Variants in PCDH15 observed in about 807,000 individuals in gnomAD.
PCDH15 encodes the protein protocadherin related 15.
PCDH15 carries 129 observed loss-of-function variants against 178.5 expected under a neutral mutation model. The ratio of observed to expected loss-of-function variants is 0.72; its 90% confidence interval spans 0.63 to 0.84. The LOEUF is 0.84. PCDH15 is among the 40% of genes least tolerant of loss of function. The pLI, the probability that PCDH15 is intolerant of heterozygous loss-of-function variation, is 0.00. For missense variants in PCDH15, 2,230 were observed against 2,099.9 expected, an observed-to-expected ratio of 1.06 and a Z score of -1.21; for synonymous variants, 800 against 732.0, an observed-to-expected ratio of 1.09 and a Z score of -1.50.
intron 2 of PCDH15, among the ~76,000 whole-genome samples, chr10:54,585,318 A>G (rs140990319): frequency 6.6e-6 from 1 of 152,262 alleles, no homozygotes; most frequent in East Asian, 1.9e-4. Flanking sequence ...CCGTTTCCCA[A>G]CTAAGAGGTA....
intron 21 of PCDH15, among the ~76,000 whole-genome samples, chr10:53,979,881 G>A (rs1161289100): frequency 1.3e-5 from 2 of 152,138 alleles, no homozygotes; most frequent in African/African-American, 2.4e-5. Context: ...TATAGTAATT[G>A]TGTTATATGT....
intron 15 of PCDH15, among the ~76,000 whole-genome samples, chr10:54,131,005 T>C (rs2042392125): frequency 6.6e-6 from 1 of 152,210 alleles, no homozygotes; most frequent in African/African-American, 2.4e-5. Flanking sequence ...GCCACTACAG[T>C]TGGCATCCTT....
intron 1 of PCDH15, among the ~76,000 whole-genome samples, chr10:54,711,958 A>T (rs1182726650): frequency 2.6e-5 from 4 of 152,018 alleles, no homozygotes; most frequent in African/African-American, 9.6e-5. Flanking sequence ...TGAGATTTGT[A>T]TAATGTTTAA....
intron 2 of PCDH15, among the ~76,000 whole-genome samples, chr10:55,111,445 T>C (rs550016696): frequency 3.9e-5 from 6 of 152,204 alleles, no homozygotes; most frequent in Non-Finnish European, 8.8e-5. Context: ...AGGCTAATAA[T>C]TAATTGGTAC....
At chr10:54,987,272 G>C (rs958646000) in intron 2 of PCDH15, among the ~76,000 whole-genome samples, 2 of 152,078 alleles carry the variant, frequency 1.3e-5, no homozygotes, top group African/African-American at 4.8e-5. Context: ...TCATTGATGG[G>C]CATTTGGGTT....
At chr10:54,423,867 G>A (rs917277657) in intron 3 of PCDH15, among the ~76,000 whole-genome samples, 1 of 151,810 alleles carries the variant, frequency 6.6e-6, no homozygotes, top group Non-Finnish European at 1.5e-5. Context: ...ATTAATTCAA[G>A]ATGGATTAAA....
chr10:54,716,625 T>C (rs2095482775), intron 1 of PCDH15, among the ~76,000 whole-genome samples: 1 of 152,124 alleles, frequency 6.6e-6, no homozygotes, highest in Admixed American at 6.6e-5. Flanking sequence ...CCTGAGACTT[T>C]GCTGAAGTTG....
chr10:53,925,477 G>A (rs148474087), intron 25 of PCDH15, among the ~76,000 whole-genome samples: 1,866 of 152,294 alleles, frequency 0.012, 41 homozygotes, highest in African/African-American at 0.042. Context: ...CACTCACCGC[G>A]AGGGTCCGCG....
chr10:55,205,125 A>C (rs1252471770), intron 1 of PCDH15, among the ~76,000 whole-genome samples: 1 of 152,082 alleles, frequency 6.6e-6, no homozygotes, highest in Non-Finnish European at 1.5e-5. Flanking sequence ...AGTTTCAAGA[A>C]TTAGTATGAT....
At chr10:53,820,608 T>A (rs74134793) in intron 32 of PCDH15, among the ~76,000 whole-genome samples, 3,972 of 152,130 alleles carry the variant, frequency 0.026, 177 homozygotes, top group African/African-American at 0.089. Flanking sequence ...CACTTACATG[T>A]GCATTCAAAA....
chr10:54,625,736 C>T (rs2093527339), intron 2 of PCDH15, among the ~76,000 whole-genome samples: 1 of 152,062 alleles, frequency 6.6e-6, no homozygotes, highest in South Asian at 2.1e-4. Context: ...TGAAAACAGA[C>T]TAATACAGTA....
At chr10:54,391,093 C>T (rs1375723837) in intron 3 of PCDH15, among the ~76,000 whole-genome samples, 1 of 152,152 alleles carries the variant, frequency 6.6e-6, no homozygotes, top group Non-Finnish European at 1.5e-5. Flanking sequence ...TACATTTTCC[C>T]TATATACATT....
At chr10:55,442,459 A>ATATATATATATTATATATATAT (rs1380226462) in intron 2 of PCDH15, among the ~76,000 whole-genome samples, 1 of 71,480 alleles carries the variant, frequency 1.4e-5, no homozygotes, top group African/African-American at 6.0e-5. Flanking sequence ...ATTTGATTAT[A>ATATATATATATTATATATATAT]TATATATATA....
At chr10:54,780,609 G>A (rs545349819) in intron 1 of PCDH15, among the ~76,000 whole-genome samples, 1 of 151,786 alleles carries the variant, frequency 6.6e-6, no homozygotes, top group Admixed American at 6.6e-5. Flanking sequence ...AACATTTTGA[G>A]GAAGGAAAGC....
chr10:55,166,750 T>C (rs890779734), intron 1 of PCDH15: 1 of 152,224 alleles, frequency 6.6e-6, no homozygotes, highest in Non-Finnish European at 1.5e-5. Flanking sequence ...ATTATGATTA[T>C]ATTAAGATTT....
chr10:55,073,854 C>T (rs903904051), intron 2 of PCDH15, among the ~76,000 whole-genome samples: 7 of 151,922 alleles, frequency 4.6e-5, no homozygotes, highest in African/African-American at 1.7e-4. Context: ...TCCTAATGCT[C>T]TTGCTCCCCC....
intron 1 of PCDH15, among the ~76,000 whole-genome samples, chr10:54,720,275 G>C (rs1049321866): frequency 6.6e-6 from 1 of 151,888 alleles, no homozygotes; most frequent in Admixed American, 6.6e-5. Context: ...GGATTGTCTT[G>C]GGAGAAATTT....
intron 2 of PCDH15, among the ~76,000 whole-genome samples, chr10:55,133,945 C>T (rs1175795841): frequency 6.6e-6 from 1 of 152,054 alleles, no homozygotes; most frequent in Non-Finnish European, 1.5e-5. Context: ...TATCCTGTTC[C>T]CCTATTTCTG....
At chr10:54,595,347 G>T (rs1374208522) in intron 2 of PCDH15, among the ~76,000 whole-genome samples, 2 of 152,104 alleles carry the variant, frequency 1.3e-5, no homozygotes, top group African/African-American at 2.4e-5. Flanking sequence ...CTGAGCCTTG[G>T]CCACCTGAAG....
Sources: allele counts gnomAD v4.1 joint callset (sites outside exome capture counted in the v4.1 genomes callset), GRCh38; gene constraint gnomAD v4.1.1; transcripts MANE v1.5; gene names NCBI Gene and HGNC (gene_info 2026-07-23, HGNC 2026-07-21).